The following ITGA9 variants were observed in gnomAD, a reference collection of about 807,000 sequenced individuals.
ITGA9 encodes integrin alpha-9.
Under a neutral mutation model 127.8 loss-of-function variants are expected in ITGA9, and 56 were observed. The ratio of observed to expected loss-of-function variants is 0.44; its 90% CI spans 0.35 to 0.55. The LOEUF (loss-of-function observed/expected upper bound fraction) is 0.55. ITGA9 is among the 20% of genes least tolerant of loss of function. The pLI is 0.00. For synonymous variants in ITGA9, 508 were observed against 514.5 expected, an observed-to-expected ratio of 0.99 and a Z score of 0.17; for missense variants, 1,196 against 1,347.1, an observed-to-expected ratio of 0.89 and a Z score of 1.76.
intron 3 of ITGA9, among the ~76,000 whole-genome samples, chr3:37,476,360 T>G (rs1698494094): frequency 7.1e-6 from 1 of 141,506 alleles, no homozygotes; most frequent in African/African-American, 2.7e-5. Context: ...ATTGTTTTCC[T>G]TTTTTTTTTT....
intron 4 of ITGA9, among the ~76,000 whole-genome samples, chr3:37,482,688 G>A (rs908899290): frequency 2.0e-5 from 3 of 152,136 alleles, no homozygotes; most frequent in African/African-American, 7.3e-5. Flanking sequence ...TCTGGGTACT[G>A]AGGTGACACA....
In ITGA9 at chr3:37,749,066, C is replaced by G. The variant is rs149715366; in HGVS notation, c.2434-1396C>G. 2.2e-3 allele frequency among the ~76,000 whole-genome samples: 330 copies of G among 152,342 alleles called. 9 individuals carry two copies. Among genetic ancestry groups the G allele is most frequent in the Admixed American group, 0.02 (300 of 15,304 alleles). On this transcript the variant is annotated intron_variant, in intron 22 of 27. Transcript: ENST00000264741. Reference sequence around the variant, plus strand: ...AAAACAACACAAATTTGTTATCTTACAGTTCTGAAGAACAGAAGTCCAAAA... The same window carrying G: ...AAAACAACACAAATTTGTTATCTTAGAGTTCTGAAGAACAGAAGTCCAAAA...
chr3:37,499,109 G>A (rs1393807997), intron 5 of ITGA9, among the ~76,000 whole-genome samples: 1 of 152,242 alleles, frequency 6.6e-6, no homozygotes, highest in South Asian at 2.1e-4. Context: ...GATACCACCT[G>A]AATTTTAGCC....
intron 26 of ITGA9, among the ~76,000 whole-genome samples, chr3:37,787,239 A>T (rs994185336): frequency 5.3e-5 from 8 of 152,214 alleles, no homozygotes; most frequent in Non-Finnish European, 1.2e-4. Flanking sequence ...GTGGAAGCTA[A>T]TGGAAATAGC....
intron 21 of ITGA9, among the ~76,000 whole-genome samples, chr3:37,743,360 C>T (rs1696460784): frequency 6.6e-6 from 1 of 152,168 alleles, no homozygotes; most frequent in African/African-American, 2.4e-5. Flanking sequence ...ACATTGAAAG[C>T]ATTGCTGCAA....
intron 16 of ITGA9, among the ~76,000 whole-genome samples, chr3:37,636,859 A>G (rs1031051952): frequency 1.3e-5 from 2 of 151,874 alleles, no homozygotes; most frequent in Non-Finnish European, 2.9e-5. Flanking sequence ...ATGGCTAGCC[A>G]GTTTTCCCAG....
intron 17 of ITGA9, among the ~76,000 whole-genome samples, chr3:37,670,280 C>T (rs1463898661): frequency 6.6e-6 from 1 of 152,116 alleles, no homozygotes; most frequent in East Asian, 1.9e-4. Flanking sequence ...TATATGCCTT[C>T]AGAAACACCA....
intron 3 of ITGA9, among the ~76,000 whole-genome samples, chr3:37,480,404 G>A (rs914116262): frequency 6.6e-6 from 1 of 152,096 alleles, no homozygotes; most frequent in Admixed American, 6.5e-5. Context: ...GCCAGTATGC[G>A]GAGCTCTCAT....
At chr3:37,659,464 T>A (rs1413594108) in intron 17 of ITGA9, among the ~76,000 whole-genome samples, 4 of 151,850 alleles carry the variant, frequency 2.6e-5, no homozygotes, top group Non-Finnish European at 5.9e-5. Flanking sequence ...TTCTGCTTGA[T>A]CGATTTGGCT....
intron 15 of ITGA9, among the ~76,000 whole-genome samples, chr3:37,543,097 C>T (rs1699291220): frequency 1.3e-5 from 2 of 152,210 alleles, no homozygotes; most frequent in African/African-American, 4.8e-5. Context: ...TTTCCCCTCG[C>T]ACTCTAAATA....
chr3:37,624,521 A>G (rs1700158389), intron 15 of ITGA9, among the ~76,000 whole-genome samples: 1 of 152,224 alleles, frequency 6.6e-6, no homozygotes, highest in South Asian at 2.1e-4. Flanking sequence ...CCACTGCCAC[A>G]CGGCAGCTAC....
At chr3:37,773,343 G>T (rs1294405838) in intron 23 of ITGA9, among the ~76,000 whole-genome samples, 1 of 152,218 alleles carries the variant, frequency 6.6e-6, no homozygotes, top group African/African-American at 2.4e-5. Flanking sequence ...CCACAGGGCT[G>T]CAGAAAACAG....
chr3:37,586,508 A>G (rs1699760352), intron 15 of ITGA9, among the ~76,000 whole-genome samples: 1 of 152,350 alleles, frequency 6.6e-6, no homozygotes, highest in East Asian at 1.9e-4. Context: ...AGTCTCTTTT[A>G]GGAATGCCAT....
intron 15 of ITGA9, among the ~76,000 whole-genome samples, chr3:37,577,973 A>G (rs1332545294): frequency 6.6e-6 from 1 of 152,170 alleles, no homozygotes; most frequent in Non-Finnish European, 1.5e-5. Context: ...TCCCTTGGTC[A>G]TTATTTGCTT....
chr3:37,654,296 C>T (rs1286521909), intron 17 of ITGA9, among the ~76,000 whole-genome samples: 2 of 152,162 alleles, frequency 1.3e-5, no homozygotes, highest in East Asian at 3.9e-4. Flanking sequence ...GGGCAGGCTG[C>T]CCTGATCCAA....
At chr3:37,661,182 C>T (rs1361539741) in intron 17 of ITGA9, among the ~76,000 whole-genome samples, 1 of 152,220 alleles carries the variant, frequency 6.6e-6, no homozygotes, top group Non-Finnish European at 1.5e-5. Flanking sequence ...GTCTCTTATC[C>T]TGATGCCTTG....
intron 13 of ITGA9, 75 bp from the exon 14 acceptor site, chr3:37,533,239 G>T: frequency 7.6e-7 from 1 of 1,323,266 alleles, no homozygotes; most frequent in South Asian, 1.2e-5. Flanking sequence ...GATTTATCCT[G>T]TTGGTCTAGT....
chr3:37,523,699 C>T (rs1699066603), intron 12 of ITGA9, 88 bp downstream of exon 12: 1 of 947,804 alleles, frequency 1.1e-6, no homozygotes, highest in Non-Finnish European at 1.7e-6. Context: ...GCAATCATCA[C>T]ATCCATTTAG....
At chr3:37,661,759 T>C (rs981301567) in intron 17 of ITGA9, among the ~76,000 whole-genome samples, 1 of 152,190 alleles carries the variant, frequency 6.6e-6, no homozygotes, top group Non-Finnish European at 1.5e-5. Flanking sequence ...TGAGCCCTGC[T>C]CTCCTGCTGT....
Sources: allele counts gnomAD v4.1 joint callset (sites outside exome capture counted in the v4.1 genomes callset), GRCh38; gene constraint gnomAD v4.1.1; transcripts MANE v1.5; gene names NCBI Gene and HGNC (gene_info 2026-07-23, HGNC 2026-07-21).